ZNG1A: variants seen among roughly 807,000 people sequenced by gnomAD.
ZNG1A encodes Zn regulated GTPase metalloprotein activator 1A, also known as zinc-regulated GTPase metalloprotein activator 1A.
chr9:160,177 G>A, the ZNG1A span: 6 of 454,452 alleles, frequency 1.3e-5, no homozygotes, highest in Non-Finnish European at 2.6e-5. Flanking sequence ...ATCAATGGGT[G>A]ACAATCCCAT....
chr9:177,578 G>C, the ZNG1A span: 5 of 1,464,758 alleles, frequency 3.4e-6, no homozygotes, highest in South Asian at 5.1e-5. Flanking sequence ...GAAAAATGTA[G>C]TAGAAGCCAA....
At chr9:138,862 CCACTG>C in the ZNG1A span, among the ~76,000 whole-genome samples, 1 of 149,592 alleles carries the variant, frequency 6.7e-6, no homozygotes, top group African/African-American at 2.5e-5. Context: ...CATGTTTGTG[CCACTG>C]CACTCCAGCC....
chr9:126,592 T>C, the ZNG1A span, among the ~76,000 whole-genome samples: 1 of 152,160 alleles, frequency 6.6e-6, no homozygotes, highest in Non-Finnish European at 1.5e-5. Context: ...TTGGATTTTC[T>C]CTCTTTTCTT....
chr9:145,698 TAATA>T, the ZNG1A span, among the ~76,000 whole-genome samples: 8 of 150,384 alleles, frequency 5.3e-5, no homozygotes, highest in East Asian at 2.0e-4. Context: ...TAAAGTATAA[TAATA>T]AATAAATAAA....
At chr9:178,747 G>A in the ZNG1A span, 2 of 1,006,694 alleles carry the variant, frequency 2.0e-6, 1 homozygote, top group Non-Finnish European at 2.9e-6. Context: ...AGGAGAAGAG[G>A]CACCGGCAGC....
At chr9:132,714 C>G in the ZNG1A span, among the ~76,000 whole-genome samples, 531 of 52,948 alleles carry the variant, frequency 0.01, 147 homozygotes, top group African/African-American at 0.05. Context: ...CCAAAATATG[C>G]CAATTCAATA....
the ZNG1A span, among the ~76,000 whole-genome samples, chr9:129,283 G>C: frequency 6.7e-4 from 101 of 151,464 alleles, no homozygotes; most frequent in African/African-American, 2.5e-3. Context: ...ACTAGTAATA[G>C]GAAAAGCAGA....
chr9:135,250 T>C, the ZNG1A span, among the ~76,000 whole-genome samples: 2 of 150,886 alleles, frequency 1.3e-5, no homozygotes, highest in African/African-American at 4.9e-5. Context: ...TTCATATATA[T>C]ACATATGCAC....
the ZNG1A span, chr9:177,952 C>A: frequency 1.0e-6 from 1 of 977,636 alleles, no homozygotes; most frequent in Non-Finnish European, 1.5e-6. Context: ...TAAAAGGTCA[C>A]GAAGTGGCCC....
At chr9:151,928 T>G in the ZNG1A span, 1 of 427,348 alleles carries the variant, frequency 2.3e-6, no homozygotes, top group African/African-American at 2.1e-5. Context: ...TTAAATGCAC[T>G]TAGATCTTTC....
At chr9:155,297 T>C in the ZNG1A span, among the ~76,000 whole-genome samples, 1 of 150,418 alleles carries the variant, frequency 6.6e-6, no homozygotes, top group African/African-American at 2.5e-5. Context: ...TTTAAAACTA[T>C]ACTTCAGAGC....
At chr9:167,201 A>C in the ZNG1A span, 3 of 151,702 alleles carry the variant, frequency 2.0e-5, no homozygotes, top group Non-Finnish European at 4.4e-5. Context: ...CAAAGTTCTA[A>C]TGAAAGTGTT....
the ZNG1A span, among the ~76,000 whole-genome samples, chr9:141,523 C>A: frequency 0.18 from 24,222 of 132,182 alleles, 2,557 homozygotes; most frequent in East Asian, 0.39. Context: ...GCCTGCCCTA[C>A]AAGAGCTCCT....
At chr9:170,355 ATGTGTG>A in the ZNG1A span, among the ~76,000 whole-genome samples, 1,576 of 142,470 alleles carry the variant, frequency 0.011, 32 homozygotes, top group African/African-American at 0.019. Flanking sequence ...GTGTGTATGA[ATGTGTG>A]TGTGTGTGTG....
the ZNG1A span, among the ~76,000 whole-genome samples, chr9:145,621 C>T: frequency 1.3e-4 from 19 of 150,430 alleles, no homozygotes; most frequent in Non-Finnish European, 2.4e-4. Context: ...GTGGGTGCAG[C>T]GCACCAGCAT....
the ZNG1A span, among the ~76,000 whole-genome samples, chr9:162,956 A>C: frequency 2.6e-5 from 4 of 152,260 alleles, no homozygotes; most frequent in East Asian, 1.9e-4. Flanking sequence ...AATCCAACTC[A>C]TAAATGTTCT....
the ZNG1A span, among the ~76,000 whole-genome samples, chr9:140,001 C>T: frequency 3.3e-5 from 5 of 150,616 alleles, 1 homozygote; most frequent in African/African-American, 1.2e-4. Flanking sequence ...GCACCTGGCT[C>T]GGAGGGTCCC....
At chr9:151,007 C>G in the ZNG1A span, 1 of 984,904 alleles carries the variant, frequency 1.0e-6, no homozygotes, top group Non-Finnish European at 1.2e-6. Flanking sequence ...AATTGTAGAA[C>G]ACTAACAGGA....
chr9:166,847 A>C, the ZNG1A span: 1 of 152,140 alleles, frequency 6.6e-6, no homozygotes, highest in African/African-American at 2.4e-5. Flanking sequence ...GTAAAAGACA[A>C]ATCAAAGCAA....
Sources: allele counts gnomAD v4.1 joint callset (sites outside exome capture counted in the v4.1 genomes callset), GRCh38; gene constraint gnomAD v4.1.1; transcripts MANE v1.5; gene names NCBI Gene and HGNC (gene_info 2026-07-23, HGNC 2026-07-21).